Variants in GPC5 observed in about 807,000 individuals in gnomAD.
GPC5 encodes the protein glypican 5.
Under a neutral mutation model 53.9 loss-of-function variants are expected in GPC5, and 47 were observed. That is an observed-to-expected ratio of 0.87 (90% CI 0.69 to 1.11). The LOEUF (loss-of-function observed/expected upper bound fraction) is 1.11, where lower values mean the gene tolerates loss of function less well. Among genes scored for constraint, GPC5 ranks in the 50% most tolerant of loss-of-function variants. The pLI is 0.00. For synonymous variants in GPC5, 286 were observed against 263.3 expected (o/e 1.09, Z -0.84); for missense variants, 748 against 713.1 (o/e 1.05, Z -0.56).
chr13:91,954,295 A>G (rs1482191028), intron 6 of GPC5, among the ~76,000 whole-genome samples: 1 of 152,188 alleles, frequency 6.6e-6, no homozygotes, highest in East Asian at 1.9e-4. Context: ...AAAGAAAAAT[A>G]ACAGCCCATT....
intron 7 of GPC5, among the ~76,000 whole-genome samples, chr13:92,638,423 G>C (rs1371094583): frequency 6.6e-6 from 1 of 152,200 alleles, no homozygotes; most frequent in East Asian, 1.9e-4. Context: ...TGGTCACCTT[G>C]GTCCAGAGTG....
chr13:91,914,556 A>G (rs770423411), intron 6 of GPC5, among the ~76,000 whole-genome samples: 7 of 150,942 alleles, frequency 4.6e-5, no homozygotes, highest in Non-Finnish European at 8.9e-5. Context: ...TATAATATGT[A>G]TCCCAATAAT....
At chr13:92,348,549 C>T (rs544671893) in intron 7 of GPC5, among the ~76,000 whole-genome samples, 31 of 151,930 alleles carry the variant, frequency 2.0e-4, no homozygotes, top group Non-Finnish European at 2.9e-4. Flanking sequence ...AAGAAAACAT[C>T]GACATGAACA....
intron 7 of GPC5, among the ~76,000 whole-genome samples, chr13:92,767,454 T>C (rs1350454839): frequency 2.0e-5 from 3 of 152,116 alleles, no homozygotes; most frequent in Admixed American, 2.0e-4. Flanking sequence ...CTGGGCGACA[T>C]AGCAAGACTG....
intron 7 of GPC5, among the ~76,000 whole-genome samples, chr13:92,374,691 TG>T (rs928020835): frequency 1.0e-4 from 6 of 57,730 alleles, no homozygotes; most frequent in African/African-American, 2.1e-4. Flanking sequence ...TATCACACTC[TG>T]GGGACTGTGG....
chr13:91,914,673 C>CAA (rs1566339208), intron 6 of GPC5, among the ~76,000 whole-genome samples: 2 of 27,040 alleles, frequency 7.4e-5, no homozygotes, highest in South Asian at 4.1e-3. Flanking sequence ...CTTAGGATAC[C>CAA]GATATAATAA....
rs1335557436 is a variant in GPC5 at position 91,843,927 on chromosome 13, G to C, written c.1281-64010G>C. On this transcript the variant is annotated intron_variant, in intron 5 of 7. Transcript: ENST00000377067. The stretch of plus-strand genomic sequence containing the variant: ...AACACCAAGCCTTCAAGGTTCAGTG[G>C]CTTCAGGGATAGTTATGCCTTTAAT... Among the ~76,000 whole-genome samples, 6 of 152,282 alleles carry C rather than the reference G, an allele frequency of 3.9e-5. No individual in the cohort carries two copies. The East Asian group carries it at 7.7e-4, about 20-fold the overall frequency.
chr13:92,698,305 AT>A (rs1438753769), intron 7 of GPC5, among the ~76,000 whole-genome samples: 1 of 151,934 alleles, frequency 6.6e-6, no homozygotes, highest in Non-Finnish European at 1.5e-5. Context: ...TCCTAATGCT[AT>A]CCCGCCCCTC....
intron 6 of GPC5, among the ~76,000 whole-genome samples, chr13:92,113,162 T>C (rs1280711599): frequency 3.3e-5 from 5 of 152,230 alleles, no homozygotes; most frequent in African/African-American, 1.2e-4. Flanking sequence ...CAGGAAGTAG[T>C]GATAGATACA....
At chr13:91,708,574 G>T (rs977324745) in intron 3 of GPC5, among the ~76,000 whole-genome samples, 1 of 152,024 alleles carries the variant, frequency 6.6e-6, no homozygotes, top group East Asian at 1.9e-4. Context: ...TTTGGAGGGG[G>T]TAACAAAAAT....
intron 7 of GPC5, among the ~76,000 whole-genome samples, chr13:92,434,668 T>C (rs941046394): frequency 6.6e-6 from 1 of 152,158 alleles, no homozygotes; most frequent in African/African-American, 2.4e-5. Flanking sequence ...AATATCCCTT[T>C]GCAGTGTGAT....
intron 7 of GPC5, among the ~76,000 whole-genome samples, chr13:92,179,562 T>C (rs1265464845): frequency 1.3e-5 from 2 of 152,250 alleles, no homozygotes; most frequent in African/African-American, 4.8e-5. Context: ...GGTCACAGTG[T>C]ATCTTTTAAC....
At chr13:92,064,210 C>T (rs576777429) in intron 6 of GPC5, among the ~76,000 whole-genome samples, 1 of 152,170 alleles carries the variant, frequency 6.6e-6, no homozygotes, top group Non-Finnish European at 1.5e-5. Context: ...CATTTTGCCA[C>T]TTGTAATATA....
intron 7 of GPC5, among the ~76,000 whole-genome samples, chr13:92,715,922 A>C (rs376086272): frequency 1.3e-5 from 2 of 152,206 alleles, no homozygotes; most frequent in East Asian, 1.9e-4. Context: ...TAGTTTTTGA[A>C]GATTCTGATC....
chr13:91,671,780 C>CAAAAAAAAAAAAAAAAAAAAAAAAAA (rs55758033), intron 2 of GPC5, among the ~76,000 whole-genome samples: 18 of 33,120 alleles, frequency 5.4e-4, no homozygotes, highest in Non-Finnish European at 7.5e-4. Context: ...CAATCTGAAG[C>CAAAAAAAAAAAAAAAAAAAAAAAAAA]AAAAAAAAAA....
chr13:91,751,108 A>T (rs148519646), intron 4 of GPC5, among the ~76,000 whole-genome samples: 2 of 152,156 alleles, frequency 1.3e-5, no homozygotes, highest in East Asian at 1.9e-4. Context: ...AACACTTCTC[A>T]TGATTCCTGC....
chr13:91,668,181 C>A (rs1247310384), intron 2 of GPC5, among the ~76,000 whole-genome samples: 1 of 152,168 alleles, frequency 6.6e-6, no homozygotes. Flanking sequence ...CCAGATTCTG[C>A]CACCTTTGAA....
intron 7 of GPC5, among the ~76,000 whole-genome samples, chr13:92,156,782 C>T (rs987125315): frequency 4.6e-5 from 7 of 151,962 alleles, no homozygotes; most frequent in Admixed American, 4.6e-4. Context: ...TAATAGATGA[C>T]ACCTTGATGC....
intron 7 of GPC5, among the ~76,000 whole-genome samples, chr13:92,695,373 T>A (rs1030844168): frequency 6.6e-6 from 1 of 152,246 alleles, no homozygotes; most frequent in Non-Finnish European, 1.5e-5. Flanking sequence ...GTGTGGTTGT[T>A]CATCACTTAT....
Sources: allele counts gnomAD v4.1 joint callset (sites outside exome capture counted in the v4.1 genomes callset), GRCh38; gene constraint gnomAD v4.1.1; transcripts MANE v1.5; gene names NCBI Gene and HGNC (gene_info 2026-07-23, HGNC 2026-07-21).